AARSD1: variants seen among roughly 807,000 people sequenced by gnomAD.
The protein encoded by AARSD1 is alanyl-tRNA editing protein Aarsd1.
AARSD1 carries 44 observed loss-of-function variants against 48.7 expected under a neutral mutation model. The observed-to-expected ratio is 0.90, with a 90% CI of 0.71 to 1.16. The LOEUF (loss-of-function observed/expected upper bound fraction) is 1.16, where lower values mean the gene tolerates loss of function less well. Ranked by LOEUF, AARSD1 falls within the 50% of genes most tolerant of loss-of-function variation. AARSD1 has a pLI of 0.00. For synonymous variants in AARSD1, 189 were observed against 194.9 expected (o/e 0.97, Z 0.25); for missense variants, 511 against 523.1 (o/e 0.98, Z 0.23).
At chr17:42,950,815 T>C in intron 11 of AARSD1, 87 bp from the exon 12 acceptor site, 1 of 1,522,030 alleles carries the variant, frequency 6.6e-7, no homozygotes, top group Non-Finnish European at 8.8e-7. Context: ...TTCCAGGGAC[T>C]GGGAGAGGGA....
chr17:42,954,846 C>A, intron 9 of AARSD1, 30 bp downstream of exon 9: 1 of 1,612,092 alleles, frequency 6.2e-7, no homozygotes, highest in South Asian at 1.1e-5. Context: ...CACAGTTCCC[C>A]TTCCTTGTGT....
chr17:42,954,229 C>T (rs2049515940), intron 9 of AARSD1, among the ~76,000 whole-genome samples: 1 of 152,070 alleles, frequency 6.6e-6, no homozygotes, highest in African/African-American at 2.4e-5. Flanking sequence ...TGGCACATGC[C>T]TGTGATCCCC....
intron 11 of AARSD1, among the ~76,000 whole-genome samples, chr17:42,951,120 T>G (rs1418690784): frequency 4.6e-5 from 7 of 152,204 alleles, no homozygotes; most frequent in African/African-American, 1.4e-4. Flanking sequence ...ATGGTGCCAT[T>G]GCACTCCAGC....
At chr17:42,961,037 C>T (rs1359167512) in intron 3 of AARSD1, 155 bp downstream of exon 3, 1 of 1,260,204 alleles carries the variant, frequency 7.9e-7, no homozygotes, top group Non-Finnish European at 1.1e-6. Context: ...GCTGTTATAA[C>T]ATTTAGGATA....
chr17:42,962,298 CA>C (rs59823866), intron 2 of AARSD1: 98,418 of 107,218 alleles, frequency 0.92, 46,494 homozygotes, highest in East Asian at 0.97. Context: ...GACACCATCT[CA>C]AAAAAAAAAA....
chr17:42,956,889 G>C (rs541412254), intron 4 of AARSD1, among the ~76,000 whole-genome samples: 3 of 146,738 alleles, frequency 2.0e-5, no homozygotes, highest in African/African-American at 5.0e-5. Context: ...GGATGGTCTC[G>C]ATCTCCTGAC....
rs771651019 is a variant in AARSD1, at chr17:42,955,173, G to A, written c.846C>T (p.Thr282=). The stretch of plus-strand genomic sequence containing the variant: ...AATAAATCACCTTCTGCAGGATCTT[G>A]GTGGAGTTCTGGAGCTTTTTCACTG... ...VEAVKKLQNS[T]KILQKNNLNL... The change falls in exon 8 of 12, where the codon ACC becomes ACT. Residue 282 remains threonine, a synonymous_variant. Transcript: ENST00000427569. 5 of 1,614,110 alleles carry A rather than the reference G, an allele frequency of 3.1e-6. No individual in the cohort carries two copies. The highest frequency in any genetic ancestry group is 4.2e-6 in the Non-Finnish European group (5 of 1,180,022).
intron 3 of AARSD1, among the ~76,000 whole-genome samples, chr17:42,960,187 T>C (rs921401980): frequency 6.6e-5 from 10 of 151,422 alleles, no homozygotes; most frequent in Non-Finnish European, 1.3e-4. Context: ...GAGGATCACT[T>C]GAGCCCGGGA....
In AARSD1 at chr17:42,950,596, C is replaced by T. The variant is rs1201286077; in HGVS notation, c.1236G>A (p.Glu412=). Residue 412 remains glutamate (E), a synonymous_variant, in exon 12 of 12, where the codon GAG becomes GAA. Transcript: ENST00000427569. ...AGGAGGTGAGTGCCCTAAGCCCTCA[C>T]TCCTTAGCACTCTGCGTGCTGATGT... The part of the protein sequence containing the change: ...QDYISTQSAK[E] The T allele has an allele frequency of 6.2e-7, 1 of 1,609,834 alleles. No homozygotes were observed. The highest frequency in any genetic ancestry group is 8.5e-7 in the Non-Finnish European group (1 of 1,177,832).
rs554358312 is a variant in AARSD1, at chr17:42,962,257, G to A, written c.172-906C>T. 19 of 254,038 alleles carry A rather than the reference G, an allele frequency of 7.5e-5. No individual in the cohort carries two copies. The East Asian group carries it at 1.4e-3, about 19-fold the overall frequency. The allele number at this position is 254,038 out of a possible 1,614,324, so 15.7% of individuals were successfully genotyped here. A position where few individuals can be genotyped will look rare whatever the true frequency, so the allele number is the denominator to read the frequency against. On this transcript the variant is annotated intron_variant, in intron 2 of 11. Transcript: ENST00000427569. ...GGAGATTGCAGTAAGCCGAGATCAC[G>A]CCGCTGCGCTCCAGCCTGGCAACAG... is the stretch of plus-strand genomic sequence containing the variant.
In AARSD1 at chr17:42,960,706, A is replaced by C. The variant is rs545071903; in HGVS notation, c.331+486T>G. Among the ~76,000 whole-genome samples the C allele has an allele frequency of 2.0e-5, 3 of 149,186 alleles. No homozygotes were observed. The East Asian group carries it at 5.9e-4, about 29-fold the overall frequency. On this transcript the variant is annotated intron_variant, in intron 3 of 11. Coordinates refer to ENST00000427569, the MANE Select transcript of AARSD1 (RefSeq NM_001261434.2). ...CATTGCACTCCAGCCTGGGTGACAG[A>C]GCGAAACTCTGTGTCAAAAAAAAAA... is the stretch of plus-strand genomic sequence containing the variant.
intron 2 of AARSD1, among the ~76,000 whole-genome samples, chr17:42,961,644 A>T (rs755693437): frequency 6.6e-6 from 1 of 152,210 alleles, no homozygotes. Flanking sequence ...TCCTTGCCTT[A>T]GTCTAGATTC....
Position 42,961,204 on chromosome 17 carries a change from G to C in AARSD1, c.319C>G (p.Gln107Glu), listed in dbSNP as rs1237539326. The change falls in exon 3 of 12, where the codon CAG becomes GAG. Residue 107 changes from glutamine to glutamate, a missense_variant. Coordinates refer to ENST00000427569, the MANE Select transcript of AARSD1 (RefSeq NM_001261434.2). ...TCCCAGCCTTTACCTGAATGCTGCT[G>C]CATGTGGTCAAACCTCCGCTCCCAA... ...VDWERRFDHM[Q>E]QHSGQHLITA... The C allele has an allele frequency of 1.2e-6, 2 of 1,612,032 alleles. No homozygotes were observed. The highest frequency in any genetic ancestry group is 1.7e-5 in the Admixed American group (1 of 59,748).
At position 42,954,872 on chromosome 17, in the gene AARSD1, T is replaced by C. The variant is rs1441615688; in HGVS notation, c.953+4A>G. 1 of 1,614,002 alleles carries C rather than the reference T, an allele frequency of 6.2e-7. No homozygotes were observed. ...TTCCTTGTGTCCAGCTCCTAATTTC[T>C]CACCTGTGTAATATGACCACACCTC... On this transcript the variant is annotated splice_donor_region_variant and intron_variant, in intron 9 of 11. Coordinates refer to ENST00000427569, the MANE Select transcript of AARSD1 (RefSeq NM_001261434.2).
intron 6 of AARSD1, 22 bp from the exon 7 acceptor site, chr17:42,955,994 C>G (rs1423427545): frequency 7.9e-7 from 1 of 1,272,144 alleles, no homozygotes; most frequent in Non-Finnish European, 1.1e-6. Context: ...AAGGGGGTAA[C>G]ACACACACAC....
intron 3 of AARSD1, among the ~76,000 whole-genome samples, chr17:42,958,560 AT>A (rs2049589278): frequency 6.6e-6 from 1 of 151,638 alleles, no homozygotes; most frequent in Non-Finnish European, 1.5e-5. Flanking sequence ...ATTTTTATTT[AT>A]TTTTGTATTT....
Position 42,964,444 on chromosome 17 carries a change from T to C in AARSD1, c.-4A>G. ...CACGCTGACACCAGAACGCCATACC[T>C]GCAGGCGTGTGAGGAGGCGCACGCG... On this transcript the variant is annotated 5_prime_UTR_variant, in exon 1 of 12. Transcript: ENST00000427569. The C allele has an allele frequency of 6.4e-7, 1 of 1,550,646 alleles. No homozygotes were observed. The highest frequency in any genetic ancestry group is 1.4e-5 in the African/African-American group (1 of 73,150).
At position 42,951,989 on chromosome 17, in the gene AARSD1, T is replaced by C. The variant is rs1287579192; in HGVS notation, c.1009-95A>G. 7 of 1,372,786 alleles carry C rather than the reference T, an allele frequency of 5.1e-6. No homozygotes were observed. The African/African-American group carries it at 7.1e-5, about 14-fold the overall frequency. The allele number at this position is 1,372,786 out of a possible 1,614,324, so 85.0% of individuals were successfully genotyped here. ...TCTCTTCAATCTTAAGAATAGATTA[T>C]TTCCCCCTAAACCACCAAGTGACGC... On this transcript the variant is annotated intron_variant, in intron 10 of 11. Transcript: ENST00000427569.
In AARSD1 at chr17:42,955,926, T is replaced by C. The variant is rs745459714; in HGVS notation, c.710A>G (p.Asn237Ser). ...GTEKGKKNRT[N>S]LIFLSGNRVL... ...CCGGTTCCCAGACAGAAATATCAGG[T>C]TGGTTCTGTTCTTTTTCCCCTTCTC... Residue 237 changes from asparagine (N) to serine (S), a missense_variant, in exon 7 of 12, where the codon AAC becomes AGC. Asn to Ser is a conservative substitution (Grantham distance 46). Coordinates refer to ENST00000427569, the MANE Select transcript of AARSD1 (RefSeq NM_001261434.2). 5.0e-6 allele frequency: 8 copies of C among 1,613,940 alleles called. No individual in the cohort carries two copies. In the South Asian group the frequency reaches 7.7e-5, roughly 16 times the overall value.
Sources: gnomAD v4.1 joint callset for allele counts (sites outside exome capture counted in the v4.1 genomes callset) on GRCh38, gnomAD v4.1.1 for gene constraint, MANE v1.5 for transcripts, NCBI Gene and HGNC (gene_info 2026-07-23, HGNC 2026-07-21) for gene names.